PRNP: variants seen among roughly 807,000 people sequenced by gnomAD.
PRNP encodes major prion protein.
Under a neutral mutation model 21.3 loss-of-function variants are expected in PRNP, and 15 were observed. That is an observed-to-expected ratio of 0.71 (90% CI 0.47 to 1.09). The LOEUF (loss-of-function observed/expected upper bound fraction) is 1.09, where lower values mean the gene tolerates loss of function less well. Ranked by LOEUF, PRNP falls within the 50% of genes least tolerant of loss-of-function variation. The probability of loss-of-function intolerance (pLI) is 0.00; values close to 1 mark genes in which losing one functional copy is unlikely to be tolerated. For missense variants in PRNP, 285 were observed against 340.9 expected (o/e 0.84, Z 1.29); for synonymous variants, 121 against 123.1 (o/e 0.98, Z 0.11).
chr20:4,694,403 GAATT>G (rs1293884256), intron 1 of PRNP, among the ~76,000 whole-genome samples: 1 of 152,062 alleles, frequency 6.6e-6, no homozygotes, highest in Non-Finnish European at 1.5e-5. Flanking sequence ...TTTCTTAAAT[GAATT>G]AATTCTAAAG....
rs768863899 is a variant in PRNP at position 4,697,427 on chromosome 20, T to C, written c.-10-1784T>C. Among the ~76,000 whole-genome samples the C allele has an allele frequency of 1.3e-5, 2 of 152,062 alleles. No homozygotes were observed. The highest frequency in any genetic ancestry group is 2.4e-5 in the African/African-American group (1 of 41,380). ...TAATATCTCAAGTAGCTGTAACTGC[T>C]CCAGAGAATAATGAAGCCAGGAAAG... On this transcript the variant is annotated intron_variant, in intron 1 of 1. Transcript: ENST00000379440. This position sits in a 1 kb window ranked among gnomAD's most constrained non-coding sequence, Gnocchi z 4.6.
chr20:4,696,789 G>A (rs1269330547), intron 1 of PRNP, among the ~76,000 whole-genome samples: 4 of 152,228 alleles, frequency 2.6e-5, no homozygotes. Flanking sequence ...GTGACAGAGA[G>A]TATCTTAGAT....
rs900321387 is a variant in PRNP, at chr20:4,686,569, G to A, written c.-11+57G>A. The A allele has an allele frequency of 3.3e-5, 5 of 151,846 alleles. No homozygotes were observed. Among genetic ancestry groups the A allele is most frequent in the African/African-American group, 1.2e-4 (5 of 41,366 alleles). 9.4% of individuals were successfully genotyped at this position (151,846 alleles called of 1,614,324 possible). On this transcript the variant is annotated intron_variant, in intron 1 of 1. Coordinates refer to ENST00000379440, the MANE Select transcript of PRNP (RefSeq NM_000311.5). The surrounding 1 kb of genome is among the most constrained non-coding windows in gnomAD (Gnocchi z 6.7). ...GGGGCAGGGGAGCCGCGGGGGCCGA[G>A]TGAGGACCCCGGGCCTCGGGTCCCA...
In PRNP at chr20:4,700,059, T is replaced by C. The variant is rs1922502266; in HGVS notation, c.*77T>C. 4 of 1,552,024 alleles carry C rather than the reference T, an allele frequency of 2.6e-6. No individual in the cohort carries two copies. In the South Asian group the frequency reaches 3.6e-5, roughly 14 times the overall value. On this transcript the variant is annotated 3_prime_UTR_variant, in exon 2 of 2. Coordinates refer to ENST00000379440, the MANE Select transcript of PRNP (RefSeq NM_000311.5). The surrounding 1 kb of genome is among the most constrained non-coding windows in gnomAD (Gnocchi z 4.1). ...AGGCGGTATCCACCTGCAGCCCTTT[T>C]AGTGGTGGTGTCTCACTCTTTCTTC...
rs1178466848 is a variant in PRNP at position 4,699,785 on chromosome 20, G to A, written c.565G>A (p.Val189Ile). The stretch of plus-strand genomic sequence containing the variant: ...CAATATCACAATCAAGCAGCACACG[G>A]TCACCACAACCACCAAGGGGGAGAA... ...CVNITIKQHT[V>I]TTTTKGENFT... The change falls in exon 2 of 2, where the codon GTC becomes ATC. Residue 189 changes from valine to isoleucine, a missense_variant. Transcript: ENST00000379440. This position sits in a 1 kb window ranked among gnomAD's most constrained non-coding sequence, Gnocchi z 5.8. 8 of 1,613,884 alleles carry A rather than the reference G, an allele frequency of 5.0e-6. No individual in the cohort carries two copies. The highest frequency in any genetic ancestry group is 2.7e-5 in the African/African-American group (2 of 74,854).
At chr20:4,692,601 A>G (rs989369409) in intron 1 of PRNP, among the ~76,000 whole-genome samples, 1 of 152,236 alleles carries the variant, frequency 6.6e-6, no homozygotes, top group East Asian at 1.9e-4. Context: ...TTCTATAGAA[A>G]CGTTTTAAAA....
Position 4,699,917 on chromosome 20 carries a change from G to A in PRNP, c.697G>A (p.Val233Ile), listed in dbSNP as rs1280706934. Residue 233 changes from valine to isoleucine, a missense_variant, in exon 2 of 2, where the codon GTC becomes ATC. Transcript: ENST00000379440. This position sits in a 1 kb window ranked among gnomAD's most constrained non-coding sequence, Gnocchi z 5.8. ...CTATTACCAGAGAGGATCGAGCATG[G>A]TCCTCTTCTCCTCTCCACCTGTGAT... Reference protein sequence around the residue: ...QAYYQRGSSMVLFSSPPVILL... With the variant: ...QAYYQRGSSMILFSSPPVILL... 1 of 1,613,800 alleles carries A rather than the reference G, an allele frequency of 6.2e-7. No individual in the cohort carries two copies.
Position 4,699,841 on chromosome 20 carries a change from G to A in PRNP, c.621G>A (p.Glu207=). The A allele has an allele frequency of 6.2e-7, 1 of 1,613,862 alleles. No homozygotes were observed. Among genetic ancestry groups the A allele is most frequent in the Non-Finnish European group, 8.5e-7 (1 of 1,179,976 alleles). The part of the protein sequence containing the change: ...NFTETDVKMM[E]RVVEQMCITQ... ...CCGAGACCGACGTTAAGATGATGGA[G>A]CGCGTGGTTGAGCAGATGTGTATCA... The change falls in exon 2 of 2, where the codon GAG becomes GAA. Residue 207 remains glutamate (E), a synonymous_variant. Transcript: ENST00000379440. The surrounding 1 kb of genome is among the most constrained non-coding windows in gnomAD (Gnocchi z 5.8).
rs1396984021 is a variant in PRNP, at chr20:4,697,645, C to T, written c.-10-1566C>T. ...CTGAACCAGGTTACATGGGGCCCAGCCAGTATGGCCACGACTTTGTGTTTT... is the reference window on the plus strand; with the variant it reads ...CTGAACCAGGTTACATGGGGCCCAGTCAGTATGGCCACGACTTTGTGTTTT... On this transcript the variant is annotated intron_variant, in intron 1 of 1. Coordinates refer to ENST00000379440, the MANE Select transcript of PRNP (RefSeq NM_000311.5). This position sits in a 1 kb window ranked among gnomAD's most constrained non-coding sequence, Gnocchi z 4.6. Among the ~76,000 whole-genome samples the T allele has an allele frequency of 6.6e-6, 1 of 152,140 alleles. No individual in the cohort carries two copies. Among genetic ancestry groups the T allele is most frequent in the African/African-American group, 2.4e-5 (1 of 41,430 alleles).
rs1922451569 is a variant in PRNP, at chr20:4,699,724, G to C, written c.504G>C (p.Glu168Asp). Reference sequence around the variant, plus strand: ...AAGTGTACTACAGGCCCATGGATGAGTACAGCAACCAGAACAACTTTGTGC... The same window carrying C: ...AAGTGTACTACAGGCCCATGGATGACTACAGCAACCAGAACAACTTTGTGC... ...PNQVYYRPMD[E>D]YSNQNNFVHD... Residue 168 changes from glutamate (E) to aspartate (D), a missense_variant, in exon 2 of 2, where the codon GAG (glutamate) becomes GAC (aspartate). By Grantham distance (45) the Glu-to-Asp change is conservative. Transcript: ENST00000379440. This position sits in a 1 kb window ranked among gnomAD's most constrained non-coding sequence, Gnocchi z 5.8. 2 of 1,614,062 alleles carry C rather than the reference G, an allele frequency of 1.2e-6. No homozygotes were observed. Among genetic ancestry groups the C allele is most frequent in the Non-Finnish European group, 8.5e-7 (1 of 1,180,024 alleles).
chr20:4,692,906 A>G (rs1181831536), intron 1 of PRNP, among the ~76,000 whole-genome samples: 1 of 152,088 alleles, frequency 6.6e-6, no homozygotes, highest in East Asian at 1.9e-4. Context: ...CCTTTATCCC[A>G]TTGGCTCTAA....
rs1035802055 is a variant in PRNP at position 4,699,158 on chromosome 20, T to C, written c.-10-53T>C. 6.3e-7 allele frequency: 1 copy of C among 1,597,568 alleles called. No individual in the cohort carries two copies. ...ACTCATTCATTATGCAGGAAACATT[T>C]AGTAATTTCAACATAAATATGGGAC... On this transcript the variant is annotated intron_variant, in intron 1 of 1. Transcript: ENST00000379440. This position sits in a 1 kb window ranked among gnomAD's most constrained non-coding sequence, Gnocchi z 5.8.
chr20:4,687,318 G>A (rs914280806), intron 1 of PRNP, among the ~76,000 whole-genome samples: 4 of 152,136 alleles, frequency 2.6e-5, no homozygotes, highest in African/African-American at 4.8e-5. Flanking sequence ...GGGGAGAGAG[G>A]AGCTGCAGGT....
At position 4,691,085 on chromosome 20, in the gene PRNP, C is replaced by T. The variant is rs542836539; in HGVS notation, c.-11+4573C>T. Among the ~76,000 whole-genome samples the T allele has an allele frequency of 1.8e-4, 27 of 152,196 alleles. 1 individual carries two copies. The South Asian group carries it at 4.1e-3, about 23-fold the overall frequency. ...TACAATAGCTACAAAATAAATATTT[C>T]AGAATAAATTTAGCCAAGAAGGTGA... On this transcript the variant is annotated intron_variant, in intron 1 of 1. Transcript: ENST00000379440.
In PRNP at chr20:4,699,135, T is replaced by A. The variant is rs899967560; in HGVS notation, c.-10-76T>A. The A allele has an allele frequency of 2.9e-5, 44 of 1,539,840 alleles. No individual in the cohort carries two copies. The highest frequency in any genetic ancestry group is 3.4e-4 in the Middle Eastern group (2 of 5,964). On this transcript the variant is annotated intron_variant, in intron 1 of 1. Transcript: ENST00000379440. The surrounding 1 kb of genome is among the most constrained non-coding windows in gnomAD (Gnocchi z 5.8). Reference sequence around the variant, plus strand: ...AGCAGCTGATACCATTGCTATGCACTCATTCATTATGCAGGAAACATTTAG... The same window carrying A: ...AGCAGCTGATACCATTGCTATGCACACATTCATTATGCAGGAAACATTTAG...
rs1922274178 is a variant in PRNP, at chr20:4,697,968, T to C, written c.-10-1243T>C. ...CACTCTAGAGCATTGGCTGGATTTG[T>C]CACCCATTGCAGCGAATGGAGAAGG... On this transcript the variant is annotated intron_variant, in intron 1 of 1. Transcript: ENST00000379440. This position sits in a 1 kb window ranked among gnomAD's most constrained non-coding sequence, Gnocchi z 4.6. 6.6e-6 allele frequency among the ~76,000 whole-genome samples: 1 copy of C among 152,200 alleles called. No individual in the cohort carries two copies. Among genetic ancestry groups the C allele is most frequent in the African/African-American group, 2.4e-5 (1 of 41,452 alleles).
chr20:4,687,944 A>G (rs1156518372), intron 1 of PRNP, among the ~76,000 whole-genome samples: 1 of 152,228 alleles, frequency 6.6e-6, no homozygotes, highest in African/African-American at 2.4e-5. Context: ...TTTGTAGAAG[A>G]AAGGAAAAAA....
rs951813550 is a variant in PRNP at position 4,701,129 on chromosome 20, A to G, written c.*1147A>G. The G allele has an allele frequency of 1.8e-5, 3 of 166,174 alleles. No individual in the cohort carries two copies. The highest frequency in any genetic ancestry group is 7.2e-5 in the African/African-American group (3 of 41,474). The allele number at this position is 166,174 out of a possible 1,614,324, so 10.3% of individuals were successfully genotyped here. A position where few individuals can be genotyped will look rare whatever the true frequency, so the allele number is the denominator to read the frequency against. On this transcript the variant is annotated 3_prime_UTR_variant, in exon 2 of 2. Coordinates refer to ENST00000379440, the MANE Select transcript of PRNP (RefSeq NM_000311.5). The surrounding 1 kb of genome is among the most constrained non-coding windows in gnomAD (Gnocchi z 4.2). ...AAATATGATTGATTTGAAGTGGAAA[A>G]AGAAATTCTGTTAATGTTAATTAAA...
At position 4,701,081 on chromosome 20, in the gene PRNP, AT is replaced by A. The variant is rs1224228306; in HGVS notation, c.*1100del. The A allele has an allele frequency of 6.0e-6, 1 of 166,308 alleles. No homozygotes were observed. The highest frequency in any genetic ancestry group is 6.5e-5 in the Admixed American group (1 of 15,294). 10.3% of individuals were successfully genotyped at this position (166,308 alleles called of 1,614,324 possible). On this transcript the variant is annotated 3_prime_UTR_variant, in exon 2 of 2. Coordinates refer to ENST00000379440, the MANE Select transcript of PRNP (RefSeq NM_000311.5). The surrounding 1 kb of genome is among the most constrained non-coding windows in gnomAD (Gnocchi z 4.2). The stretch of plus-strand genomic sequence containing the variant: ...AAAGAATAGGGAGACAATCTAAAAA[AT>A]ATCTTAGGTTGGAGATGACAGAAAT...
Sources: gnomAD v4.1 joint callset for allele counts (sites outside exome capture counted in the v4.1 genomes callset) on GRCh38, gnomAD v4.1.1 for gene constraint, Gnocchi (gnomAD v3.1) non-coding constraint, MANE v1.5 for transcripts, NCBI Gene and HGNC (gene_info 2026-07-23, HGNC 2026-07-21) for gene names.